Variants in FBLN7 observed in about 807,000 individuals in gnomAD.
FBLN7 encodes fibulin-7.
A neutral mutation model predicts 44.0 loss-of-function variants in FBLN7; 31 were observed. The observed-to-expected ratio is 0.70, with a 90% confidence interval of 0.53 to 0.95. The LOEUF is 0.95. Among genes scored for constraint, FBLN7 ranks in the 40% least tolerant of loss-of-function variants. The pLI is 0.00. For missense variants in FBLN7, 573 were observed against 618.5 expected (o/e 0.93, Z 0.78); for synonymous variants, 262 against 253.4 (o/e 1.03, Z -0.32).
At chr2:112,221,308 G>A in the FBLN7 span, among the ~76,000 whole-genome samples, 1 of 152,060 alleles carries the variant, frequency 6.6e-6, no homozygotes, top group African/African-American at 2.4e-5. Flanking sequence ...GTGAGTGAAT[G>A]CTCATAAGAT....
chr2:112,160,844 ACGCG>A lies in FBLN7; in HGVS notation c.235+1011_235+1014del, dbSNP rs747212861. Reference sequence around the variant, plus strand: ...CACAAGCACGCATACACGCACGCACACGCGCACACACACACACACACACTCAGCC... The same window carrying A: ...CACAAGCACGCATACACGCACGCACACACACACACACACACACACTCAGCC... On this transcript the variant is annotated intron_variant, in intron 2 of 7. Transcript: ENST00000331203. Among the ~76,000 whole-genome samples the A allele has an allele frequency of 1.3e-3, 147 of 112,968 alleles. 1 individual carries two copies. The highest frequency in any genetic ancestry group is 5.2e-3 in the African/African-American group (142 of 27,524). The allele number at this position is 112,968 out of a possible 152,430, so 74.1% of individuals were successfully genotyped here.
the FBLN7 span, chr2:112,216,526 C>T: frequency 2.0e-5 from 3 of 152,146 alleles, no homozygotes; most frequent in Non-Finnish European, 2.9e-5. Context: ...CCAGCAGAGC[C>T]GCCCTTACTC....
chr2:112,235,329 A>G, the FBLN7 span, among the ~76,000 whole-genome samples: 1 of 152,236 alleles, frequency 6.6e-6, no homozygotes, highest in African/African-American at 2.4e-5. Flanking sequence ...ATATATGTTT[A>G]GAATTTGTTC....
chr2:112,142,599 G>A (rs996466781), intron 1 of FBLN7, among the ~76,000 whole-genome samples: 6 of 152,122 alleles, frequency 3.9e-5, no homozygotes, highest in Non-Finnish European at 5.9e-5. Context: ...AGGCTTCCTC[G>A]ACCAAGGCCC....
intron 3 of FBLN7, among the ~76,000 whole-genome samples, chr2:112,174,948 G>A (rs1266146110): frequency 1.3e-5 from 2 of 151,970 alleles, no homozygotes; most frequent in African/African-American, 4.8e-5. Context: ...ATTATTATGG[G>A]AAAAGGGAAG....
At chr2:112,230,305 GATATT>G in the FBLN7 span, among the ~76,000 whole-genome samples, 4 of 152,094 alleles carry the variant, frequency 2.6e-5, no homozygotes, top group African/African-American at 7.2e-5. Context: ...GAAAAAAACT[GATATT>G]ATATTAAATT....
chr2:112,178,257 C>CAAAAAAAAAAAAAAA (rs112844069), intron 4 of FBLN7, among the ~76,000 whole-genome samples: 1 of 123,840 alleles, frequency 8.1e-6, no homozygotes, highest in South Asian at 2.4e-4. Flanking sequence ...ACAAGAAATA[C>CAAAAAAAAAAAAAAA]AAAAAAAAAA....
At chr2:112,236,501 A>C in the FBLN7 span, 1 of 1,583,068 alleles carries the variant, frequency 6.3e-7, no homozygotes, top group Non-Finnish European at 8.6e-7. Context: ...TCACTGAAGT[A>C]TAAGATCAAG....
In FBLN7 at chr2:112,160,814, GCA is replaced by G. The variant is rs766040366; in HGVS notation, c.235+986_235+987del. Among the ~76,000 whole-genome samples, 16 of 137,154 alleles carry G rather than the reference GCA, an allele frequency of 1.2e-4. 1 individual carries two copies. The East Asian group carries it at 2.9e-3, about 25-fold the overall frequency. The allele number at this position is 137,154 out of a possible 152,430, so 90.0% of individuals were successfully genotyped here. On this transcript the variant is annotated intron_variant, in intron 2 of 7. Coordinates refer to ENST00000331203, the MANE Select transcript of FBLN7 (RefSeq NM_153214.3). ...CACGCACACACGCACGCACACACAC[GCA>G]CACACAAGCACGCATACACGCACGC...
At chr2:112,227,936 G>A in the FBLN7 span, among the ~76,000 whole-genome samples, 3 of 151,838 alleles carry the variant, frequency 2.0e-5, no homozygotes, top group East Asian at 5.8e-4. Flanking sequence ...GAATGTACAA[G>A]CTGATCTTAA....
At chr2:112,141,068 G>A (rs1398297678) in intron 1 of FBLN7, among the ~76,000 whole-genome samples, 3 of 152,168 alleles carry the variant, frequency 2.0e-5, no homozygotes, top group Admixed American at 6.5e-5. Context: ...AGGGTGAGGG[G>A]CCCGGCCATG....
chr2:112,190,869 T>C (rs1429626472), downstream of FBLN7, among the ~76,000 whole-genome samples: 1 of 152,202 alleles, frequency 6.6e-6, no homozygotes, highest in Non-Finnish European at 1.5e-5. Context: ...CTTTAGTGGC[T>C]AGAGCTAGGA....
chr2:112,243,351 G>T, the FBLN7 span, among the ~76,000 whole-genome samples: 1 of 152,172 alleles, frequency 6.6e-6, no homozygotes, highest in Non-Finnish European at 1.5e-5. Context: ...TCTAAGAGAA[G>T]AATCGAACAA....
the FBLN7 span, among the ~76,000 whole-genome samples, chr2:112,243,910 A>T: frequency 6.6e-6 from 1 of 152,230 alleles, no homozygotes; most frequent in African/African-American, 2.4e-5. Context: ...TAAAAAATAT[A>T]TTCAAAAACA....
chr2:112,149,734 C>T lies in FBLN7; in HGVS notation c.76-9942C>T, dbSNP rs969711394. ...TGAAACCTAAAATAAGGACACGACA[C>T]ACATTTTTGTTAAAGAAAAAATAAG... On this transcript the variant is annotated intron_variant, in intron 1 of 7. Transcript: ENST00000331203. 5.8e-4 allele frequency among the ~76,000 whole-genome samples: 88 copies of T among 152,326 alleles called. 1 individual carries two copies. Among genetic ancestry groups the T allele is most frequent in the African/African-American group, 2.0e-3 (85 of 41,582 alleles).
the FBLN7 span, chr2:112,238,257 G>C: frequency 6.5e-7 from 1 of 1,539,988 alleles, no homozygotes; most frequent in Non-Finnish European, 8.9e-7. Context: ...TCCGTATATG[G>C]ACAACTGTGA....
chr2:112,142,694 G>A (rs907923901), intron 1 of FBLN7, among the ~76,000 whole-genome samples: 9 of 152,154 alleles, frequency 5.9e-5, no homozygotes, highest in African/African-American at 1.7e-4. Flanking sequence ...TGGGGTTCCC[G>A]TTTGCTGGCA....
downstream of FBLN7, among the ~76,000 whole-genome samples, chr2:112,191,168 G>A (rs367630817): frequency 8.6e-5 from 13 of 151,968 alleles, no homozygotes; most frequent in South Asian, 4.2e-4. Context: ...TAGTGTTTTC[G>A]TTTTATTTTA....
the FBLN7 span, among the ~76,000 whole-genome samples, chr2:112,197,390 A>G: frequency 6.6e-6 from 1 of 152,020 alleles, no homozygotes; most frequent in East Asian, 1.9e-4. Flanking sequence ...GGATGCTGAG[A>G]TTGCTGGCAA....
Sources: gnomAD v4.1 joint callset for allele counts (sites outside exome capture counted in the v4.1 genomes callset) on GRCh38, gnomAD v4.1.1 for gene constraint, MANE v1.5 for transcripts, NCBI Gene and HGNC (gene_info 2026-07-23, HGNC 2026-07-21) for gene names.